Variants in NRXN3 observed in about 807,000 individuals in gnomAD.
NRXN3 encodes neurexin III.
In NRXN3, 32 loss-of-function variants were observed where a neutral mutation model predicts 137.6. The observed-to-expected ratio is 0.23, with a 90% CI of 0.18 to 0.31. The LOEUF is 0.31. Among genes scored for constraint, NRXN3 ranks in the 10% least tolerant of loss-of-function variants. The pLI, the probability that NRXN3 is intolerant of heterozygous loss-of-function variation, is 1.00. For missense variants in NRXN3, 1,574 were observed against 2,062.5 expected (o/e 0.76, Z 4.59); for synonymous variants, 798 against 784.5 (o/e 1.02, Z -0.29).
chr14:78,433,407 C>T (rs1484773040), intron 4 of NRXN3, among the ~76,000 whole-genome samples: 1 of 151,988 alleles, frequency 6.6e-6, no homozygotes. Context: ...TTGCCATGTA[C>T]GTTAGCTTGC....
chr14:79,391,230 T>C (rs2094835416), intron 15 of NRXN3, among the ~76,000 whole-genome samples: 1 of 152,208 alleles, frequency 6.6e-6, no homozygotes, highest in South Asian at 2.1e-4. Flanking sequence ...TAGAATATTT[T>C]AGACACTGGA....
chr14:79,259,010 G>T (rs74067939), intron 15 of NRXN3, among the ~76,000 whole-genome samples: 13 of 152,244 alleles, frequency 8.5e-5, no homozygotes, highest in African/African-American at 3.1e-4. Flanking sequence ...GAGACAGTGT[G>T]GTCATGGGTT....
At chr14:79,359,570 C>CTTTTTTTT in intron 15 of NRXN3, among the ~76,000 whole-genome samples, 1 of 105,522 alleles carries the variant, frequency 9.5e-6, no homozygotes, top group Non-Finnish European at 2.0e-5. Flanking sequence ...AACATTTAGT[C>CTTTTTTTT]TTTTTTTTTT....
At chr14:78,520,823 A>C (rs2096274100) in intron 4 of NRXN3, among the ~76,000 whole-genome samples, 1 of 152,184 alleles carries the variant, frequency 6.6e-6, no homozygotes, top group African/African-American at 2.4e-5. Flanking sequence ...GAGACAGAAC[A>C]CTGCGAATTA....
chr14:79,008,422 A>G (rs1263931216), intron 15 of NRXN3, among the ~76,000 whole-genome samples: 3 of 152,180 alleles, frequency 2.0e-5, no homozygotes, highest in African/African-American at 4.8e-5. Context: ...GACAAGTACT[A>G]TATGTTAATA....
At chr14:79,750,277 T>C (rs2098993160) in intron 19 of NRXN3, among the ~76,000 whole-genome samples, 1 of 152,050 alleles carries the variant, frequency 6.6e-6, no homozygotes, top group Non-Finnish European at 1.5e-5. Context: ...AATAAGACAA[T>C]TTATTTCTAT....
At chr14:79,412,984 T>A (rs2574750) in intron 15 of NRXN3, among the ~76,000 whole-genome samples, 49,310 of 151,896 alleles carry the variant, frequency 0.32, 8,651 homozygotes, top group Middle Eastern at 0.54. Context: ...GATGCTAAAA[T>A]TAGTCTGATT....
intron 6 of NRXN3, among the ~76,000 whole-genome samples, chr14:78,688,503 G>A (rs1317685792): frequency 1.3e-5 from 2 of 152,218 alleles, no homozygotes; most frequent in African/African-American, 2.4e-5. Flanking sequence ...ATTTAAAGGG[G>A]GCTGAGAAGA....
At chr14:78,433,403 T>A (rs574136599) in intron 4 of NRXN3, among the ~76,000 whole-genome samples, 2 of 152,276 alleles carry the variant, frequency 1.3e-5, no homozygotes, top group South Asian at 4.1e-4. Flanking sequence ...CCTTTTGCCA[T>A]GTACGTTAGC....
At chr14:79,509,646 TA>T (rs1470416295) in intron 16 of NRXN3, among the ~76,000 whole-genome samples, 1 of 151,736 alleles carries the variant, frequency 6.6e-6, no homozygotes. Context: ...TTTTTACCAC[TA>T]AAAAAGATAT....
intron 9 of NRXN3, among the ~76,000 whole-genome samples, chr14:78,806,451 T>G (rs2098870179): frequency 6.6e-6 from 1 of 152,214 alleles, no homozygotes; most frequent in South Asian, 2.1e-4. Flanking sequence ...TGTCTTCACA[T>G]GCATTCCACC....
At chr14:79,371,153 C>A (rs1231551858) in intron 15 of NRXN3, among the ~76,000 whole-genome samples, 1 of 152,162 alleles carries the variant, frequency 6.6e-6, no homozygotes, top group Non-Finnish European at 1.5e-5. Flanking sequence ...GCTGTCAGCC[C>A]TGGAAACACT....
At chr14:79,797,361 G>A (rs2099164145) in intron 19 of NRXN3, among the ~76,000 whole-genome samples, 1 of 152,170 alleles carries the variant, frequency 6.6e-6, no homozygotes, top group Non-Finnish European at 1.5e-5. Context: ...AAGAACCCAT[G>A]GCATAAACCT....
At chr14:78,973,762 A>G (rs2099453226) in intron 14 of NRXN3, among the ~76,000 whole-genome samples, 1 of 152,140 alleles carries the variant, frequency 6.6e-6, no homozygotes, top group African/African-American at 2.4e-5. Flanking sequence ...CAAGCATTTT[A>G]GGTGTCTTTT....
chr14:78,551,742 C>A (rs1312925699), intron 4 of NRXN3, among the ~76,000 whole-genome samples: 1 of 150,318 alleles, frequency 6.7e-6, no homozygotes, highest in Non-Finnish European at 1.5e-5. Flanking sequence ...TCTTTCATCT[C>A]CCTTTCTATC....
intron 10 of NRXN3, among the ~76,000 whole-genome samples, chr14:78,854,678 G>C (rs781049390): frequency 6.6e-5 from 10 of 152,260 alleles, no homozygotes; most frequent in Non-Finnish European, 1.3e-4. Flanking sequence ...AAGTGGAAAA[G>C]CTATGAATTA....
chr14:79,751,301 G>A (rs956936855), intron 19 of NRXN3, among the ~76,000 whole-genome samples: 1 of 152,116 alleles, frequency 6.6e-6, no homozygotes, highest in African/African-American at 2.4e-5. Flanking sequence ...CTTGTAAGTT[G>A]GATTCCTAAG....
chr14:78,635,369 A>G (rs2097558579), intron 4 of NRXN3, among the ~76,000 whole-genome samples: 1 of 152,174 alleles, frequency 6.6e-6, no homozygotes, highest in African/African-American at 2.4e-5. Flanking sequence ...GTAAACCTTC[A>G]TGACTTCTAT....
chr14:78,992,802 A>G (rs1393087790), intron 15 of NRXN3, among the ~76,000 whole-genome samples: 1 of 152,114 alleles, frequency 6.6e-6, no homozygotes, highest in Non-Finnish European at 1.5e-5. Flanking sequence ...GGGTTTGGTT[A>G]TTGCTTCTGG....
Sources: allele counts gnomAD v4.1 joint callset (sites outside exome capture counted in the v4.1 genomes callset), GRCh38; gene constraint gnomAD v4.1.1; transcripts MANE v1.5; gene names NCBI Gene and HGNC (gene_info 2026-07-23, HGNC 2026-07-21).